PSTPIP2: variants seen among roughly 807,000 people sequenced by gnomAD.
PSTPIP2 encodes the protein proline-serine-threonine phosphatase-interacting protein 2.
In PSTPIP2, 33 loss-of-function variants were observed where a neutral mutation model predicts 63.3. The observed-to-expected ratio is 0.52, with a 90% CI of 0.40 to 0.70. The LOEUF is 0.70. Ranked by LOEUF, PSTPIP2 falls within the 30% of genes least tolerant of loss-of-function variation. PSTPIP2 has a pLI of 0.00. For missense variants in PSTPIP2, 312 were observed against 400.7 expected, an observed-to-expected ratio of 0.78 and a Z score of 1.89; for synonymous variants, 125 against 132.7, an observed-to-expected ratio of 0.94 and a Z score of 0.40.
At chr18:46,052,038 G>T (rs934277067) in intron 1 of PSTPIP2, among the ~76,000 whole-genome samples, 1 of 152,228 alleles carries the variant, frequency 6.6e-6, no homozygotes, top group African/African-American at 2.4e-5. Context: ...GCAGGCAACT[G>T]CCAGGAAGTG....
In PSTPIP2 at chr18:46,011,302, T is replaced by TAA; in HGVS notation, c.248-17_248-16dup. On this transcript the variant is annotated splice_polypyrimidine_tract_variant and intron_variant, in intron 4 of 14. Transcript: ENST00000409746. ...ATTGTCTACTTCTGCAAAAAAGAAT[T>TAA]AAAAAAAAAATCAAGGTCTACATAT... 6.5e-7 allele frequency: 1 copy of TAA among 1,547,232 alleles called. No homozygotes were observed. The highest frequency in any genetic ancestry group is 8.8e-7 in the Non-Finnish European group (1 of 1,132,076).
At chr18:46,057,856 G>C (rs1443522047) in intron 1 of PSTPIP2, among the ~76,000 whole-genome samples, 1 of 151,756 alleles carries the variant, frequency 6.6e-6, no homozygotes, top group Non-Finnish European at 1.5e-5. Flanking sequence ...AAATTAGCCG[G>C]GCGTGGTGGC....
chr18:45,994,560 T>C (rs2051573312), intron 9 of PSTPIP2, among the ~76,000 whole-genome samples: 1 of 152,208 alleles, frequency 6.6e-6, no homozygotes, highest in African/African-American at 2.4e-5. Context: ...CAGGTTTTAT[T>C]CAAAACCAAA....
At chr18:46,032,754 CAAAAAAAAAAAAA>C (rs762015034) in intron 2 of PSTPIP2, among the ~76,000 whole-genome samples, 2 of 50,158 alleles carry the variant, frequency 4.0e-5, no homozygotes, top group African/African-American at 6.0e-5. Context: ...AACTCTGTGT[CAAAAAAAAAAAAA>C]AAAAAAAAGG....
chr18:45,990,852 T>C (rs2144058190), intron 12 of PSTPIP2, 96 bp from the exon 13 acceptor site: 1 of 1,021,114 alleles, frequency 9.8e-7, no homozygotes, highest in Non-Finnish European at 1.4e-6. Context: ...TCTAATCAGA[T>C]CTGGTTTCTG....
At chr18:45,985,845 C>T (rs1204310601) in intron 14 of PSTPIP2, among the ~76,000 whole-genome samples, 4 of 151,224 alleles carry the variant, frequency 2.6e-5, no homozygotes, top group Non-Finnish European at 4.4e-5. Flanking sequence ...GGCGCAATCT[C>T]AGCTCACTGC....
At chr18:46,051,758 T>G (rs1358676942) in intron 1 of PSTPIP2, among the ~76,000 whole-genome samples, 1 of 152,234 alleles carries the variant, frequency 6.6e-6, no homozygotes, top group African/African-American at 2.4e-5. Flanking sequence ...AGTAGGTGTT[T>G]TAATTCACAA....
chr18:45,996,625 TAA>T (rs1392665265), intron 9 of PSTPIP2, among the ~76,000 whole-genome samples: 6 of 135,122 alleles, frequency 4.4e-5, no homozygotes, highest in African/African-American at 2.7e-5. Context: ...ATGAGGAGAG[TAA>T]AAAAAAAAAA....
chr18:45,985,780 A>ATT (rs532775826), intron 14 of PSTPIP2, among the ~76,000 whole-genome samples: 16,247 of 147,514 alleles, frequency 0.11, 1,992 homozygotes, highest in African/African-American at 0.3. Flanking sequence ...TCTTGTTTAA[A>ATT]TTTTTTTTTT....
rs2051560816 is a variant in PSTPIP2, at chr18:45,993,509, C to T, written c.741+96G>A. ...GCCTTAGGCAAGTCACCTTACTTCA[C>T]CAAGGGCAAAGTGAACCAATCAATA... On this transcript the variant is annotated intron_variant, in intron 10 of 14. Transcript: ENST00000409746. 4.1e-6 allele frequency: 5 copies of T among 1,230,500 alleles called. No homozygotes were observed. In the Admixed American group the frequency reaches 9.5e-5, roughly 23 times the overall value. The allele number at this position is 1,230,500 out of a possible 1,614,324, so 76.2% of individuals were successfully genotyped here. A position where few individuals can be genotyped will look rare whatever the true frequency, so the allele number is the denominator to read the frequency against.
intron 5 of PSTPIP2, among the ~76,000 whole-genome samples, chr18:46,008,863 C>T (rs2051761253): frequency 1.3e-5 from 2 of 152,080 alleles, no homozygotes; most frequent in African/African-American, 2.4e-5. Context: ...GCTCCTAAGA[C>T]CCCTCCCTAC....
intron 3 of PSTPIP2, 130 bp downstream of exon 3, chr18:46,024,479 A>AT (rs1907504767): frequency 2.7e-6 from 2 of 737,420 alleles, no homozygotes; most frequent in Non-Finnish European, 4.8e-6. Flanking sequence ...AAATAGTGAG[A>AT]TCCCATCTCC....
intron 2 of PSTPIP2, among the ~76,000 whole-genome samples, chr18:46,031,202 G>A (rs544402302): frequency 9.8e-4 from 149 of 152,230 alleles, no homozygotes; most frequent in African/African-American, 3.4e-3. Context: ...TATGGGCTCT[G>A]GTTCTTTGTT....
Position 46,054,663 on chromosome 18 carries a change from A to ATTTT in PSTPIP2, c.34-14620_34-14617dup, listed in dbSNP as rs567708908. 2.1e-3 allele frequency among the ~76,000 whole-genome samples: 301 copies of ATTTT among 142,150 alleles called. 2 individuals are homozygous for ATTTT. Among genetic ancestry groups the ATTTT allele is most frequent in the African/African-American group, 7.1e-3 (275 of 38,474 alleles). The allele number at this position is 142,150 out of a possible 152,430, so 93.3% of individuals were successfully genotyped here. On this transcript the variant is annotated intron_variant, in intron 1 of 14. Coordinates refer to ENST00000409746, the MANE Select transcript of PSTPIP2 (RefSeq NM_024430.4). ...CCGCTCTAAATAATAAAACCTACTA[A>ATTTT]TTTTTTTTTTTTTTTGAGACAGAGT...
intron 1 of PSTPIP2, among the ~76,000 whole-genome samples, chr18:46,061,289 G>A (rs989026521): frequency 6.0e-5 from 9 of 150,174 alleles, no homozygotes; most frequent in Non-Finnish European, 1.0e-4. Flanking sequence ...GGTCAACGGA[G>A]CGAGACTCCA....
intron 1 of PSTPIP2, among the ~76,000 whole-genome samples, chr18:46,060,883 T>C (rs1383862636): frequency 3.3e-5 from 5 of 152,228 alleles, no homozygotes; most frequent in Non-Finnish European, 7.3e-5. Context: ...TTGTACTCTA[T>C]AGTACTCTAT....
intron 2 of PSTPIP2, among the ~76,000 whole-genome samples, chr18:46,034,632 GTGTACCAGCTAC>G (rs1244690345): frequency 6.6e-6 from 1 of 152,116 alleles, no homozygotes; most frequent in Admixed American, 6.6e-5. Flanking sequence ...ACTATATATT[GTGTACCAGCTAC>G]TGTACTGGGC....
chr18:46,011,176 C>A lies in PSTPIP2; in HGVS notation c.354+5G>T, dbSNP rs1476050054. Reference sequence around the variant, plus strand: ...GAAACACCTTAACACGTATGCAAATCCAACCTTTTTTCGTTGTAGTTTTTG... The same window carrying A: ...GAAACACCTTAACACGTATGCAAATACAACCTTTTTTCGTTGTAGTTTTTG... On this transcript the variant is annotated splice_donor_5th_base_variant and intron_variant, in intron 5 of 14. Coordinates refer to ENST00000409746, the MANE Select transcript of PSTPIP2 (RefSeq NM_024430.4). 5 of 1,609,804 alleles carry A rather than the reference C, an allele frequency of 3.1e-6. No individual in the cohort carries two copies. In the South Asian group the frequency reaches 5.5e-5, roughly 18 times the overall value.
In PSTPIP2 at chr18:45,984,123, G is replaced by A. The variant is rs1273190722; in HGVS notation, c.*1336C>T. The stretch of plus-strand genomic sequence containing the variant: ...AGATCATGCCGCTGCACTTCAGCCT[G>A]GGGGACAGAGAGAGACTCTGTCTCA... On this transcript the variant is annotated 3_prime_UTR_variant, in exon 15 of 15. Transcript: ENST00000409746. 6.6e-6 allele frequency: 1 copy of A among 152,122 alleles called. No individual in the cohort carries two copies. Among genetic ancestry groups the A allele is most frequent in the East Asian group, 1.9e-4 (1 of 5,190 alleles). The allele number at this position is 152,122 out of a possible 1,614,324, so 9.4% of individuals were successfully genotyped here.
Sources: allele counts gnomAD v4.1 joint callset (sites outside exome capture counted in the v4.1 genomes callset), GRCh38; gene constraint gnomAD v4.1.1; transcripts MANE v1.5; gene names NCBI Gene and HGNC (gene_info 2026-07-23, HGNC 2026-07-21).